Variants in TTC6 observed in about 807,000 individuals in gnomAD.
The protein encoded by TTC6 is tetratricopeptide repeat domain 6.
In TTC6, 172 loss-of-function variants were observed where a neutral mutation model predicts 210.4. The ratio of observed to expected loss-of-function variants is 0.82; its 90% CI spans 0.72 to 0.93. The LOEUF is 0.93. Ranked by LOEUF, TTC6 falls within the 40% of genes least tolerant of loss-of-function variation. The pLI is 0.00. For synonymous variants in TTC6, 804 were observed against 819.6 expected (o/e 0.98, Z 0.32); for missense variants, 2,414 against 2,318.1 (o/e 1.04, Z -0.85).
intron 10 of TTC6, among the ~76,000 whole-genome samples, chr14:37,740,702 A>G (rs896981025): frequency 2.0e-4 from 31 of 152,324 alleles, no homozygotes; most frequent in African/African-American, 7.5e-4. Context: ...TGCAACAAAT[A>G]CAGTATCTGG....
chr14:37,801,544 A>G (rs1460546493), intron 20 of TTC6, among the ~76,000 whole-genome samples: 4 of 152,082 alleles, frequency 2.6e-5, no homozygotes, highest in East Asian at 1.9e-4. Context: ...CGCTCCCTCA[A>G]TTATGTTGCA....
chr14:37,776,620 T>G (rs2096038331), intron 14 of TTC6, among the ~76,000 whole-genome samples: 1 of 152,170 alleles, frequency 6.6e-6, no homozygotes, highest in Admixed American at 6.5e-5. Context: ...GGAAATTCTT[T>G]TCTTTAAGAA....
intron 29 of TTC6, among the ~76,000 whole-genome samples, chr14:37,832,569 C>A (rs2096188523): frequency 6.6e-6 from 1 of 151,766 alleles, no homozygotes; most frequent in African/African-American, 2.4e-5. Flanking sequence ...TCTTTATTGA[C>A]CCAATGGTTG....
At chr14:37,801,911 T>C (rs768159465) in intron 20 of TTC6, among the ~76,000 whole-genome samples, 18 of 152,146 alleles carry the variant, frequency 1.2e-4, no homozygotes, top group Non-Finnish European at 2.2e-4. Context: ...TCCAAAGGAA[T>C]ATAAATCATT....
chr14:37,597,860 T>C (rs953773582), intron 1 of TTC6, among the ~76,000 whole-genome samples: 4 of 152,092 alleles, frequency 2.6e-5, no homozygotes, highest in African/African-American at 9.7e-5. Flanking sequence ...GAGGCCAAGA[T>C]GGAAGGAGAG....
At chr14:37,788,656 A>G (rs2096072981) in intron 15 of TTC6, among the ~76,000 whole-genome samples, 1 of 152,034 alleles carries the variant, frequency 6.6e-6, no homozygotes, top group South Asian at 2.1e-4. Context: ...TGGATTTCCC[A>G]TCTTTGCCCA....
intron 7 of TTC6, among the ~76,000 whole-genome samples, chr14:37,726,370 C>G (rs1287968837): frequency 6.6e-6 from 1 of 152,100 alleles, no homozygotes. Context: ...TTCCTGCAAC[C>G]AAGGCATGGA....
intron 2 of TTC6, among the ~76,000 whole-genome samples, chr14:37,610,768 C>T (rs2095632979): frequency 6.6e-6 from 1 of 152,176 alleles, no homozygotes; most frequent in Non-Finnish European, 1.5e-5. Flanking sequence ...ATTTGTAATA[C>T]ACCAGCTGAG....
chr14:37,624,464 G>A lies in TTC6; in HGVS notation c.939+1461G>A, dbSNP rs191177721. Among the ~76,000 whole-genome samples the A allele has an allele frequency of 1.1e-4, 16 of 152,246 alleles. No homozygotes were observed. The East Asian group carries it at 1.7e-3, about 17-fold the overall frequency. On this transcript the variant is annotated intron_variant, in intron 1 of 30. Transcript: ENST00000553443. ...TATTAGAAACTGGTCCAGAGGTCCC[G>A]TACAGTTGAGGAAAGTTATACCTCA...
At chr14:37,603,791 TGGGG>T in intron 1 of TTC6, among the ~76,000 whole-genome samples, 1 of 152,214 alleles carries the variant, frequency 6.6e-6, no homozygotes, top group Middle Eastern at 3.4e-3. Context: ...CAAACTCCAT[TGGGG>T]GCGTATTCCA....
intron 7 of TTC6, among the ~76,000 whole-genome samples, chr14:37,727,751 C>G (rs577248758): frequency 7.7e-4 from 117 of 152,088 alleles, no homozygotes; most frequent in African/African-American, 2.7e-3. Context: ...ATTTCTATTG[C>G]AATTTTCCTT....
At chr14:37,619,545 C>CA (rs1014067948), upstream of TTC6, among the ~76,000 whole-genome samples, 1 of 151,936 alleles carries the variant, frequency 6.6e-6, no homozygotes, top group African/African-American at 2.4e-5. Flanking sequence ...TGAAATACAC[C>CA]AAAAAATTGC....
intron 5 of TTC6, among the ~76,000 whole-genome samples, chr14:37,710,323 C>T (rs542788001): frequency 3.3e-5 from 5 of 152,188 alleles, no homozygotes; most frequent in Non-Finnish European, 7.4e-5. Context: ...TCACAGTCAC[C>T]TTTATGTAAC....
chr14:37,748,950 A>T, exon 11 of TTC6: 1 of 1,488,740 alleles, frequency 6.7e-7, no homozygotes, highest in South Asian at 1.3e-5. Flanking sequence ...TCAGCATCTC[A>T]TGGAATACTT....
chr14:37,633,455 C>T (rs1344077494), intron 1 of TTC6, among the ~76,000 whole-genome samples: 3 of 152,146 alleles, frequency 2.0e-5, no homozygotes, highest in East Asian at 3.9e-4. Context: ...GGGCTGCACC[C>T]ACTGTCTAAC....
intron 4 of TTC6, among the ~76,000 whole-genome samples, chr14:37,697,304 C>T (rs961510605): frequency 6.6e-6 from 1 of 152,038 alleles, no homozygotes; most frequent in Non-Finnish European, 1.5e-5. Context: ...TCCTCACATC[C>T]ATAATTTTAA....
intron 5 of TTC6, among the ~76,000 whole-genome samples, chr14:37,708,970 T>C (rs1483804659): frequency 2.0e-5 from 3 of 152,076 alleles, no homozygotes; most frequent in South Asian, 4.1e-4. Flanking sequence ...CATCATCTCA[T>C]GCTAGACCTT....
At chr14:37,701,810 A>G (rs1007853316) in intron 5 of TTC6, among the ~76,000 whole-genome samples, 1 of 152,172 alleles carries the variant, frequency 6.6e-6, no homozygotes, top group Admixed American at 6.5e-5. Flanking sequence ...GCTCTGGAGT[A>G]CAGATGTGGA....
At chr14:37,761,798 T>C (rs958854332) in intron 14 of TTC6, among the ~76,000 whole-genome samples, 3 of 152,224 alleles carry the variant, frequency 2.0e-5, no homozygotes, top group African/African-American at 7.2e-5. Flanking sequence ...TATTATGTGC[T>C]GTTGCATGTG....
Sources: allele counts gnomAD v4.1 joint callset (sites outside exome capture counted in the v4.1 genomes callset), GRCh38; gene constraint gnomAD v4.1.1; transcripts MANE v1.5; gene names NCBI Gene and HGNC (gene_info 2026-07-23, HGNC 2026-07-21).